The following PDE1C variants were observed in gnomAD, a reference collection of about 807,000 sequenced individuals.
PDE1C encodes dual specificity calcium/calmodulin-dependent 3',5'-cyclic nucleotide phosphodiesterase 1C.
In PDE1C, 62 loss-of-function variants were observed where a neutral mutation model predicts 93.1. The observed-to-expected ratio is 0.67, with a 90% CI of 0.54 to 0.82. PDE1C has a LOEUF of 0.82. Among genes scored for constraint, PDE1C ranks in the 40% least tolerant of loss-of-function variants. PDE1C has a pLI of 0.00. For synonymous variants in PDE1C, 325 were observed against 310.1 expected (o/e 1.05, Z -0.50); for missense variants, 742 against 884.6 (o/e 0.84, Z 2.04).
chr7:31,679,208 G>A, the PDE1C span, among the ~76,000 whole-genome samples: 106,910 of 152,024 alleles, frequency 0.7, 38,020 homozygotes, highest in East Asian at 0.82. Flanking sequence ...GGACAGATGG[G>A]AGAAGAAAGC....
intron 2 of PDE1C, among the ~76,000 whole-genome samples, chr7:31,947,998 A>G (rs1236352488): frequency 6.6e-6 from 1 of 152,218 alleles, no homozygotes; most frequent in Non-Finnish European, 1.5e-5. Context: ...TTAGGATTAC[A>G]ACAAATTTCG....
rs1794136374 is a variant in PDE1C at position 31,751,483 on chromosome 7, G to A, written c.*1901C>T. On this transcript the variant is annotated 3_prime_UTR_variant, in exon 18 of 18. Transcript: ENST00000396191. ...AGATAGGTAGGGAACATTATTTGAGGAGGCTACTACTCCCATGGGCCTCCT... is the reference window on the plus strand; with the variant it reads ...AGATAGGTAGGGAACATTATTTGAGAAGGCTACTACTCCCATGGGCCTCCT... 1 of 152,124 alleles carries A rather than the reference G, an allele frequency of 6.6e-6. No individual in the cohort carries two copies. Among genetic ancestry groups the A allele is most frequent in the South Asian group, 2.1e-4 (1 of 4,818 alleles). The allele number at this position is 152,124 out of a possible 1,614,324, so 9.4% of individuals were successfully genotyped here.
At chr7:32,126,783 A>T (rs1455511682) in intron 3 of PDE1C, among the ~76,000 whole-genome samples, 1 of 152,174 alleles carries the variant, frequency 6.6e-6, no homozygotes, top group Admixed American at 6.5e-5. Flanking sequence ...TAGATAAGGA[A>T]GACTTACAAG....
At chr7:31,785,774 T>G (rs1207591925) in intron 16 of PDE1C, 1 of 152,116 alleles carries the variant, frequency 6.6e-6, no homozygotes, top group Non-Finnish European at 1.5e-5. Flanking sequence ...GGTAACATTC[T>G]AACTCTAGTG....
chr7:32,134,492 T>C (rs1300120364), intron 3 of PDE1C, among the ~76,000 whole-genome samples: 1 of 151,836 alleles, frequency 6.6e-6, no homozygotes, highest in African/African-American at 2.4e-5. Flanking sequence ...GTAAAGGATA[T>C]GGAGAAGAAA....
At chr7:31,628,461 C>T in the PDE1C span, among the ~76,000 whole-genome samples, 3,917 of 139,840 alleles carry the variant, frequency 0.028, 171 homozygotes, top group African/African-American at 0.099. Flanking sequence ...TTTTTTTTTT[C>T]TTTTTTTTTC....
chr7:32,033,875 A>G (rs901207857), intron 2 of PDE1C, among the ~76,000 whole-genome samples: 4 of 152,162 alleles, frequency 2.6e-5, no homozygotes, highest in African/African-American at 9.7e-5. Flanking sequence ...CATCCCCAAA[A>G]GGATATAGCT....
intron 2 of PDE1C, among the ~76,000 whole-genome samples, chr7:32,003,378 G>A (rs2128563677): frequency 6.6e-6 from 1 of 152,346 alleles, no homozygotes; most frequent in African/African-American, 2.4e-5. Flanking sequence ...TGAGCTCCAA[G>A]AGTGCATTAA....
intron 16 of PDE1C, among the ~76,000 whole-genome samples, chr7:31,778,935 T>C (rs1783196257): frequency 6.6e-6 from 1 of 152,176 alleles, no homozygotes; most frequent in Admixed American, 6.5e-5. Context: ...CAAAGAAATT[T>C]TTCCCCTGAC....
intron 2 of PDE1C, among the ~76,000 whole-genome samples, chr7:31,895,187 A>C (rs1268579122): frequency 6.6e-6 from 1 of 152,150 alleles, no homozygotes; most frequent in Non-Finnish European, 1.5e-5. Flanking sequence ...AGCAGCTGAT[A>C]GTGCTGACTG....
intron 2 of PDE1C, among the ~76,000 whole-genome samples, chr7:31,972,396 T>C (rs1017485935): frequency 2.0e-5 from 3 of 152,216 alleles, no homozygotes; most frequent in Non-Finnish European, 2.9e-5. Flanking sequence ...AATGTCAACC[T>C]GACTTTATCC....
At chr7:31,705,195 A>G in the PDE1C span, among the ~76,000 whole-genome samples, 1 of 152,178 alleles carries the variant, frequency 6.6e-6, no homozygotes, top group Non-Finnish European at 1.5e-5. Context: ...CTGAAATCCC[A>G]GGAACTTTTG....
At position 31,753,275 on chromosome 7, in the gene PDE1C, C is replaced by A; in HGVS notation, c.*109G>T. 1 of 1,373,184 alleles carries A rather than the reference C, an allele frequency of 7.3e-7. No homozygotes were observed. The highest frequency in any genetic ancestry group is 9.8e-7 in the Non-Finnish European group (1 of 1,015,268). 85.1% of individuals were successfully genotyped at this position (1,373,184 alleles called of 1,614,324 possible). ...TTGGTGGAGTCAACCAGGATAGTACCTGCTCCAACAGCCTCCAAGGGTCTT... is the reference window on the plus strand; with the variant it reads ...TTGGTGGAGTCAACCAGGATAGTACATGCTCCAACAGCCTCCAAGGGTCTT... On this transcript the variant is annotated 3_prime_UTR_variant, in exon 18 of 18. Transcript: ENST00000396191.
rs74544422 is a variant in PDE1C, at chr7:32,081,061, A to G, written c.308+88724T>C. Among the ~76,000 whole-genome samples the G allele has an allele frequency of 3.7e-3, 571 of 152,358 alleles. 3 individuals carry two copies. Among genetic ancestry groups the G allele is most frequent in the African/African-American group, 0.013 (541 of 41,582 alleles). On this transcript the variant is annotated intron_variant, in intron 3 of 18. Coordinates refer to the PDE1C transcript ENST00000396193. ...AACATGGAAAGCCAATCTTAGCAAA[A>G]GACTCTCAAACTGCTTATGTGCTGC...
At chr7:32,385,510 ACAAG>A (rs1341042086) in intron 1 of PDE1C, among the ~76,000 whole-genome samples, 1 of 152,106 alleles carries the variant, frequency 6.6e-6, no homozygotes, top group African/African-American at 2.4e-5. Flanking sequence ...AAGGTCCCTC[ACAAG>A]CAAGCATGAT....
intron 1 of PDE1C, 38 bp downstream of exon 1, chr7:32,070,255 C>G: frequency 1.2e-6 from 2 of 1,612,500 alleles, no homozygotes; most frequent in South Asian, 1.1e-5. Flanking sequence ...AGGATGGGAG[C>G]GGGAAATGGG....
chr7:31,801,102 G>A (rs987244735), intron 16 of PDE1C, among the ~76,000 whole-genome samples: 2 of 150,150 alleles, frequency 1.3e-5, no homozygotes, highest in Non-Finnish European at 3.0e-5. Flanking sequence ...ATGAGACAAA[G>A]TAAACCCAAT....
intron 2 of PDE1C, among the ~76,000 whole-genome samples, chr7:32,207,621 C>CT (rs58529198): frequency 0.24 from 37,069 of 151,862 alleles, 4,780 homozygotes; most frequent in East Asian, 0.46. Context: ...TTTCGTTCTC[C>CT]TTTTTTTTCC....
rs546055533 is a variant in PDE1C, at chr7:31,905,996, C to T, written c.129-25136G>A. Among the ~76,000 whole-genome samples, 87 of 152,220 alleles carry T rather than the reference C, an allele frequency of 5.7e-4. 1 individual carries two copies. The highest frequency in any genetic ancestry group is 2.0e-3 in the African/African-American group (84 of 41,546). ...TAAGGACATGTTTGCTTCCCCTTCC[C>T]CCATGATTGTAAGTTTCCTGGGGCT... is the stretch of plus-strand genomic sequence containing the variant. On this transcript the variant is annotated intron_variant, in intron 2 of 17. Transcript: ENST00000396191.
Sources: allele counts gnomAD v4.1 joint callset (sites outside exome capture counted in the v4.1 genomes callset), GRCh38; gene constraint gnomAD v4.1.1; transcripts MANE v1.5; gene names NCBI Gene and HGNC (gene_info 2026-07-23, HGNC 2026-07-21).